The following BMPR1B variants were observed in gnomAD, a reference collection of about 807,000 sequenced individuals.
BMPR1B encodes the protein bone morphogenetic protein receptor type-1B.
BMPR1B carries 12 observed loss-of-function variants against 59.1 expected under a neutral mutation model. That is an observed-to-expected ratio of 0.20 (90% confidence interval 0.13 to 0.33). The LOEUF is 0.33. Ranked by LOEUF, BMPR1B falls within the 10% of genes least tolerant of loss-of-function variation. BMPR1B has a pLI of 1.00. For synonymous variants in BMPR1B, 237 were observed against 207.3 expected (o/e 1.14, Z -1.23); for missense variants, 550 against 610.9 (o/e 0.90, Z 1.05).
chr4:95,088,190 C>T (rs1314747981), intron 3 of BMPR1B, among the ~76,000 whole-genome samples: 1 of 152,056 alleles, frequency 6.6e-6, no homozygotes, highest in Admixed American at 6.6e-5. Flanking sequence ...TCCTAAAATG[C>T]AGATAAATGG....
chr4:94,787,228 A>G (rs755467994), intron 1 of BMPR1B, among the ~76,000 whole-genome samples: 1 of 152,106 alleles, frequency 6.6e-6, no homozygotes, highest in African/African-American at 2.4e-5. Flanking sequence ...GAGGTTTTTT[A>G]TTCCCCTGCA....
rs761226009 is a variant in BMPR1B, at chr4:95,130,000, T to A, written c.724T>A (p.Phe242Ile). The A allele has an allele frequency of 6.2e-7, 1 of 1,614,008 alleles. No individual in the cohort carries two copies. The highest frequency in any genetic ancestry group is 1.7e-5 in the Admixed American group (1 of 59,976). ...CTTCACCACAGAGGAAGCCAGCTGG[T>A]TCAGAGAGACAGAAATATATCAGAC... The part of the protein sequence containing the change: ...VFFTTEEASW[F>I]RETEIYQTVL... Residue 242 changes from phenylalanine to isoleucine, a missense_variant, in exon 9 of 13, where the codon TTC becomes ATC. Phe to Ile is a conservative substitution (Grantham distance 21). Around this residue, in one of 6 missense-constraint regions of BMPR1B, gnomAD observed 318 missense variants for 284.6 expected, o/e 1.12. Transcript: ENST00000515059.
intron 2 of BMPR1B, among the ~76,000 whole-genome samples, chr4:94,945,532 A>G (rs1014144862): frequency 2.0e-5 from 3 of 152,106 alleles, no homozygotes; most frequent in Admixed American, 2.0e-4. Context: ...ACCCTGGCTC[A>G]AGGGATCTTC....
At chr4:95,029,781 G>A (rs1336469907) in intron 3 of BMPR1B, among the ~76,000 whole-genome samples, 1 of 151,986 alleles carries the variant, frequency 6.6e-6, no homozygotes, top group African/African-American at 2.4e-5. Context: ...CACCTGTTGT[G>A]TCCTGACTTT....
chr4:94,940,085 A>AAT (rs1166139717), intron 2 of BMPR1B, among the ~76,000 whole-genome samples: 2 of 152,226 alleles, frequency 1.3e-5, no homozygotes, highest in African/African-American at 4.8e-5. Context: ...TATTGTAAAA[A>AAT]ATAAACATTT....
At chr4:94,981,294 C>G (rs1423303059) in intron 2 of BMPR1B, among the ~76,000 whole-genome samples, 2 of 151,968 alleles carry the variant, frequency 1.3e-5, no homozygotes, top group Non-Finnish European at 2.9e-5. Flanking sequence ...GCCTTGAACT[C>G]CTGGGCTCAA....
chr4:95,062,070 A>T (rs1312928854), intron 3 of BMPR1B, among the ~76,000 whole-genome samples: 1 of 152,078 alleles, frequency 6.6e-6, no homozygotes, highest in African/African-American at 2.4e-5. Flanking sequence ...CTCACCAGCC[A>T]TGCCTCCTGT....
At chr4:94,912,897 A>T (rs79899863) in intron 2 of BMPR1B, among the ~76,000 whole-genome samples, 2,508 of 152,002 alleles carry the variant, frequency 0.016, 54 homozygotes, top group African/African-American at 0.055. Flanking sequence ...TAAATGTAAA[A>T]CTTGGATTCA....
chr4:94,966,181 G>T (rs1432333738), intron 2 of BMPR1B, among the ~76,000 whole-genome samples: 1 of 152,108 alleles, frequency 6.6e-6, no homozygotes, highest in Non-Finnish European at 1.5e-5. Context: ...GTACTGTGTT[G>T]TTTCTGATTT....
intron 3 of BMPR1B, chr4:95,091,545 C>A: frequency 2.0e-6 from 2 of 985,290 alleles, no homozygotes; most frequent in Non-Finnish European, 2.4e-6. Flanking sequence ...TTAGTGGAAA[C>A]CCCTAGCAAT....
intron 2 of BMPR1B, among the ~76,000 whole-genome samples, chr4:94,940,189 C>CAATA (rs1729456024): frequency 6.6e-6 from 1 of 152,168 alleles, no homozygotes; most frequent in South Asian, 2.1e-4. Flanking sequence ...GAGGCATTTT[C>CAATA]AATATGGCTT....
At chr4:95,076,205 C>T (rs565360860) in intron 3 of BMPR1B, among the ~76,000 whole-genome samples, 1 of 152,098 alleles carries the variant, frequency 6.6e-6, no homozygotes, top group Admixed American at 6.6e-5. Flanking sequence ...GAGGGATGAG[C>T]TTAATTTGTA....
At position 95,131,342 on chromosome 4, in the gene BMPR1B, G is replaced by C. The variant is rs1481049594; in HGVS notation, c.906G>C (p.Leu302=). The C allele has an allele frequency of 2.5e-6, 4 of 1,613,826 alleles. No individual in the cohort carries two copies. In the African/African-American group the frequency reaches 5.3e-5, roughly 22 times the overall value. The change falls in exon 10 of 13, where the codon CTG becomes CTC. Residue 302 remains leucine, a synonymous_variant. Coordinates refer to ENST00000515059, the MANE Select transcript of BMPR1B (RefSeq NM_001203.3). The part of the protein sequence containing the change: ...KSTTLDAKSM[L]KLAYSSVSGL... ...CCACCCTAGACGCTAAATCAATGCT[G>C]AAGTTAGCCTACTCTTCTGTCAGTG...
At chr4:94,801,687 A>G (rs529332869) in intron 1 of BMPR1B, among the ~76,000 whole-genome samples, 11 of 152,328 alleles carry the variant, frequency 7.2e-5, no homozygotes, top group Admixed American at 5.9e-4. Flanking sequence ...TGCAACTAAT[A>G]ACAGTTACTG....
intron 1 of BMPR1B, among the ~76,000 whole-genome samples, chr4:94,856,726 C>T (rs1006429437): frequency 2.0e-5 from 3 of 152,116 alleles, no homozygotes; most frequent in Non-Finnish European, 2.9e-5. Flanking sequence ...GTGGTAGATG[C>T]CGTCATCATT....
intron 1 of BMPR1B, among the ~76,000 whole-genome samples, chr4:94,784,104 TTAAG>T (rs1291738820): frequency 2.6e-5 from 4 of 152,192 alleles, no homozygotes; most frequent in African/African-American, 7.2e-5. Context: ...TCCAGAGACT[TTAAG>T]TGTTTTCTTA....
At chr4:95,031,030 C>A (rs1276795556) in intron 3 of BMPR1B, among the ~76,000 whole-genome samples, 6 of 151,778 alleles carry the variant, frequency 4.0e-5, no homozygotes, top group Admixed American at 3.3e-4. Flanking sequence ...CTTTAAAGTT[C>A]ATATGGAACC....
chr4:95,091,366 A>G (rs1729974520), intron 3 of BMPR1B: 1 of 708,982 alleles, frequency 1.4e-6, no homozygotes, highest in African/African-American at 2.0e-5. Context: ...GGTCCTGAAC[A>G]TAGCTCATTG....
At chr4:94,947,444 TA>T (rs1729761291) in intron 2 of BMPR1B, among the ~76,000 whole-genome samples, 1 of 152,194 alleles carries the variant, frequency 6.6e-6, no homozygotes, top group Non-Finnish European at 1.5e-5. Context: ...CTTAAAAAAA[TA>T]GTCAGAATTC....
Sources: gnomAD v4.1 joint callset for allele counts (sites outside exome capture counted in the v4.1 genomes callset) on GRCh38, gnomAD v4.1.1 for gene constraint, gnomAD v4.1.1 regional missense constraint, MANE v1.5 for transcripts, NCBI Gene and HGNC (gene_info 2026-07-23, HGNC 2026-07-21) for gene names.